SLC22A6: variants seen among roughly 807,000 people sequenced by gnomAD.
SLC22A6 encodes the protein PAH transporter.
In SLC22A6, 45 loss-of-function variants were observed where a neutral mutation model predicts 56.7. The ratio of observed to expected loss-of-function variants is 0.79; its 90% CI spans 0.63 to 1.02. The LOEUF (loss-of-function observed/expected upper bound fraction) is 1.02. SLC22A6 is among the 50% of genes least tolerant of loss of function. The pLI is 0.00. For missense variants in SLC22A6, 606 were observed against 713.8 expected (o/e 0.85, Z 1.72); for synonymous variants, 291 against 295.9 (o/e 0.98, Z 0.17).
At chr11:62,979,205 T>G (rs2086223908) in intron 8 of SLC22A6, among the ~76,000 whole-genome samples, 1 of 152,188 alleles carries the variant, frequency 6.6e-6, no homozygotes, top group South Asian at 2.1e-4. Context: ...GACTTCAATT[T>G]GTTGTCTCTG....
chr11:62,981,430 T>A, intron 4 of SLC22A6, 47 bp from the exon 5 acceptor site: 1 of 433,132 alleles, frequency 2.3e-6, no homozygotes, highest in Non-Finnish European at 3.6e-6. Context: ...TCAGTTCCAG[T>A]CAGCTGGGTG....
chr11:62,983,679 C>A lies in SLC22A6; in HGVS notation c.486G>T (p.Arg162=). The A allele has an allele frequency of 6.2e-7, 1 of 1,610,882 alleles. No individual in the cohort carries two copies. The highest frequency in any genetic ancestry group is 8.5e-7 in the Non-Finnish European group (1 of 1,178,710). The change falls in exon 3 of 10, where the codon CGG becomes CGT. Residue 162 remains arginine (R), a synonymous_variant. Coordinates refer to ENST00000360421, the MANE Select transcript of SLC22A6 (RefSeq NM_153276.3). The surrounding 1 kb of genome is among the most constrained non-coding windows in gnomAD (Gnocchi z 4.5). ...GCAGGTAGTTCAAGATGAGTACCTT[C>A]CGGCGGCCTAGCCTGTGGGAGGAGG... ...FGYLADRLGR[R]KVLILNYLQT... is the part of the protein sequence containing the mutation.
rs2086294220 is a variant in SLC22A6, at chr11:62,984,444, A to T, written c.247T>A (p.Ser83Thr). ...AGAAAGGGCAGTCCCCACTGCGGGG[A>T]GGTGAAGCGGAGGCAGGACTCAGGC... ...GQPESCLRFT[S>T]PQWGLPFLNG... The change falls in exon 1 of 10, where the codon TCC becomes ACC. Residue 83 changes from serine to threonine, a missense_variant. Physicochemically the swap from Ser to Thr is moderately conservative, Grantham distance 58 (BLOSUM62 1). Transcript: ENST00000360421. The T allele has an allele frequency of 6.2e-7, 1 of 1,613,628 alleles. No homozygotes were observed. The highest frequency in any genetic ancestry group is 1.3e-5 in the African/African-American group (1 of 74,818).
At position 62,979,742 on chromosome 11, in the gene SLC22A6, A is replaced by T; in HGVS notation, c.1244T>A (p.Ile415Lys). ...TGCTCGTGGGTGCTCACCCTGGGGT[A>T]TCACCCCATTGAGCAGGATGCAGAT... ...AGICILLNGVIPQDQSIVRTS... is the reference protein window; with the variant it reads ...AGICILLNGVKPQDQSIVRTS... The change falls in exon 7 of 10, where the codon ATA becomes AAA. Residue 415 changes from isoleucine (I) to lysine (K), a missense_variant. By Grantham distance (102) the Ile-to-Lys change is moderately radical. Transcript: ENST00000360421. 6.2e-7 allele frequency: 1 copy of T among 1,613,036 alleles called. No homozygotes were observed. The highest frequency in any genetic ancestry group is 8.5e-7 in the Non-Finnish European group (1 of 1,178,984).
In SLC22A6 at chr11:62,984,801, C is replaced by T. The variant is rs1590681895; in HGVS notation, c.-111G>A. Reference sequence around the variant, plus strand: ...GGAGGAGCAGCACTGCCGTTGCCTCCGCAGCTGGGTTGCTCCGGGAGCTGA... The same window carrying T: ...GGAGGAGCAGCACTGCCGTTGCCTCTGCAGCTGGGTTGCTCCGGGAGCTGA... On this transcript the variant is annotated 5_prime_UTR_variant, in exon 1 of 10. Coordinates refer to ENST00000360421, the MANE Select transcript of SLC22A6 (RefSeq NM_153276.3). 19 of 1,274,482 alleles carry T rather than the reference C, an allele frequency of 1.5e-5. No individual in the cohort carries two copies. The highest frequency in any genetic ancestry group is 2.5e-5 in the Admixed American group (1 of 39,634). 78.9% of individuals were successfully genotyped at this position (1,274,482 alleles called of 1,614,324 possible).
At position 62,979,611 on chromosome 11, in the gene SLC22A6, G is replaced by C. The variant is rs149088036; in HGVS notation, c.1253-15C>G. On this transcript the variant is annotated splice_polypyrimidine_tract_variant and intron_variant, in intron 7 of 9. Coordinates refer to ENST00000360421, the MANE Select transcript of SLC22A6 (RefSeq NM_153276.3). ...AATGGACTGGTCTAGAGAGAAAGAA[G>C]GGGGGATAGCAGGAGCTTGGGAGTG... is the stretch of plus-strand genomic sequence containing the variant. 1.2e-6 allele frequency: 2 copies of C among 1,607,844 alleles called. No homozygotes were observed. The highest frequency in any genetic ancestry group is 1.7e-5 in the Admixed American group (1 of 60,018).
At chr11:62,984,275 C>G (rs759293641) in intron 1 of SLC22A6, 47 bp downstream of exon 1, 1 of 1,578,164 alleles carries the variant, frequency 6.3e-7, no homozygotes, top group Admixed American at 2.0e-5. Context: ...AACAAAGGCC[C>G]CCATCTTCCC....
Position 62,983,532 on chromosome 11 carries a change from C to G in SLC22A6, c.628+5G>C. ...GAGGGGAGTGGGCTGGTAAGAATCTCTCACTCAGTGTCATGCAGTTGAGGG... is the reference window on the plus strand; with the variant it reads ...GAGGGGAGTGGGCTGGTAAGAATCTGTCACTCAGTGTCATGCAGTTGAGGG... On this transcript the variant is annotated splice_donor_5th_base_variant and intron_variant, in intron 3 of 9. Transcript: ENST00000360421. This position sits in a 1 kb window ranked among gnomAD's most constrained non-coding sequence, Gnocchi z 4.5. 6.4e-7 allele frequency: 1 copy of G among 1,556,308 alleles called. No homozygotes were observed. The highest frequency in any genetic ancestry group is 8.7e-7 in the Non-Finnish European group (1 of 1,150,058).
At chr11:62,979,974 G>A (rs2086235436) in intron 6 of SLC22A6, 26 bp from the exon 7 acceptor site, 1 of 1,567,176 alleles carries the variant, frequency 6.4e-7, no homozygotes. Context: ...GAGGAGTATG[G>A]AGTTTGTTAG....
chr11:62,984,886 T>G lies in SLC22A6; in HGVS notation c.-196A>C. On this transcript the variant is annotated 5_prime_UTR_variant, in exon 1 of 10. Transcript: ENST00000360421. ...TTGGCTGCTCCTCCTTCTTCCCCGG[T>G]CTCCCTGATCTGTCCCTCCCTTTTC... 1.7e-6 allele frequency: 1 copy of G among 597,674 alleles called. No individual in the cohort carries two copies. The highest frequency in any genetic ancestry group is 3.0e-6 in the Non-Finnish European group (1 of 338,660). The allele number at this position is 597,674 out of a possible 1,614,324, so 37.0% of individuals were successfully genotyped here. A position where few individuals can be genotyped will look rare whatever the true frequency, so the allele number is the denominator to read the frequency against.
Position 62,984,710 on chromosome 11 carries a change from T to C in SLC22A6, c.-20A>G, listed in dbSNP as rs4149171. ...GGCCATTGGGCCAGGCCCAGCCCAG[T>C]GGCTGGGGGCTGAGGCCTTCCAGTC... On this transcript the variant is annotated 5_prime_UTR_variant, in exon 1 of 10. Coordinates refer to ENST00000360421, the MANE Select transcript of SLC22A6 (RefSeq NM_153276.3). 261,974 of 1,604,224 alleles carry C rather than the reference T, an allele frequency of 0.16. 23,309 individuals carry two copies. Among genetic ancestry groups the C allele is most frequent in the African/African-American group, 0.34 (25,117 of 74,796 alleles).
chr11:62,977,881 G>C (rs56306952), intron 8 of SLC22A6, among the ~76,000 whole-genome samples: 6,997 of 152,284 alleles, frequency 0.046, 234 homozygotes, highest in Middle Eastern at 0.099. Context: ...GAATCCCTAG[G>C]GGGAGGGAGC....
In SLC22A6 at chr11:62,984,436, C is replaced by T. The variant is rs541123456; in HGVS notation, c.255G>A (p.Gln85=). The T allele has an allele frequency of 2.5e-6, 4 of 1,613,996 alleles. No homozygotes were observed. The highest frequency in any genetic ancestry group is 1.1e-5 in the South Asian group (1 of 91,080). Residue 85 remains glutamine (Q), a synonymous_variant, in exon 1 of 10, where the codon CAG becomes CAA. Coordinates refer to ENST00000360421, the MANE Select transcript of SLC22A6 (RefSeq NM_153276.3). ...PESCLRFTSP[Q]WGLPFLNGTE... is the part of the protein sequence containing the mutation. The stretch of plus-strand genomic sequence containing the variant: ...TGCCATTGAGAAAGGGCAGTCCCCA[C>T]TGCGGGGAGGTGAAGCGGAGGCAGG...
intron 1 of SLC22A6, 30 bp downstream of exon 1, chr11:62,984,292 G>A (rs775060540): frequency 5.0e-6 from 8 of 1,603,480 alleles, no homozygotes; most frequent in Non-Finnish European, 6.8e-6. Context: ...TCCCATCTTG[G>A]CCCCTGGATG....
rs535236835 is a variant in SLC22A6 at position 62,981,212 on chromosome 11, G to A, written c.921+48C>T. 8.7e-6 allele frequency: 14 copies of A among 1,607,278 alleles called. No homozygotes were observed. In the African/African-American group the frequency reaches 1.7e-4, roughly 20 times the overall value. On this transcript the variant is annotated intron_variant, in intron 5 of 9. Transcript: ENST00000360421. ...CCCTGGGTCCTGGGTTTGGGGTTTG[G>A]GGGTGAAGCCCTGGGAGGTTATCAT...
At chr11:62,984,168 G>T in intron 1 of SLC22A6, 121 bp from the exon 2 acceptor site, 1 of 1,219,342 alleles carries the variant, frequency 8.2e-7, no homozygotes, top group Non-Finnish European at 1.1e-6. Flanking sequence ...TTTGCCCTTT[G>T]CCTCTCTGGT....
chr11:62,979,428 C>T, intron 8 of SLC22A6, 60 bp downstream of exon 8: 1 of 1,164,746 alleles, frequency 8.6e-7, no homozygotes, highest in Non-Finnish European at 1.3e-6. Context: ...CTGACCTGTG[C>T]ACAGAAGAAT....
In SLC22A6 at chr11:62,981,993, T is replaced by G; in HGVS notation, c.646A>C (p.Ile216Leu). Residue 216 changes from isoleucine to leucine, a missense_variant, in exon 4 of 10, where the codon ATT becomes CTT. By Grantham distance (5) the Ile-to-Leu change is conservative. Transcript: ENST00000360421. ...CMTLNVEWMPIHTRACVGTLI... is the reference protein window; with the variant it reads ...CMTLNVEWMPLHTRACVGTLI... Reference sequence around the variant, plus strand: ...GTGCCCACGCAGGCCCGTGTGTGAATGGGCATCCACTCCACATCTGGAAAG... The same window carrying G: ...GTGCCCACGCAGGCCCGTGTGTGAAGGGGCATCCACTCCACATCTGGAAAG... The G allele has an allele frequency of 6.2e-7, 1 of 1,613,854 alleles. No homozygotes were observed. Among genetic ancestry groups the G allele is most frequent in the East Asian group, 2.2e-5 (1 of 44,876 alleles).
chr11:62,976,957 G>T lies in SLC22A6; in HGVS notation c.1566-76C>A, dbSNP rs1347478854. The T allele has an allele frequency of 5.8e-6, 9 of 1,540,784 alleles. No individual in the cohort carries two copies. In the Admixed American group the frequency reaches 1.4e-4, roughly 23 times the overall value. ...GGCCGGGATATGGAGGCTCCCAGGGGGTCTCCGCTCAGCTATGCCTGGACA... is the reference window on the plus strand; with the variant it reads ...GGCCGGGATATGGAGGCTCCCAGGGTGTCTCCGCTCAGCTATGCCTGGACA... On this transcript the variant is annotated intron_variant, in intron 9 of 9. Coordinates refer to ENST00000360421, the MANE Select transcript of SLC22A6 (RefSeq NM_153276.3).
Sources: allele counts gnomAD v4.1 joint callset (sites outside exome capture counted in the v4.1 genomes callset), GRCh38; gene constraint gnomAD v4.1.1; non-coding constraint Gnocchi (gnomAD v3.1); transcripts MANE v1.5; gene names NCBI Gene and HGNC (gene_info 2026-07-23, HGNC 2026-07-21).